Variants in PRRT2 observed in about 807,000 individuals in gnomAD.
PRRT2 encodes proline-rich transmembrane protein 2.
In PRRT2, 9 loss-of-function variants were observed where a neutral mutation model predicts 24.7. The ratio of observed to expected loss-of-function variants is 0.36; its 90% CI spans 0.22 to 0.64. PRRT2 has a LOEUF of 0.64. Among genes scored for constraint, PRRT2 ranks in the 30% least tolerant of loss-of-function variants. The pLI, the probability that PRRT2 is intolerant of heterozygous loss-of-function variation, is 0.65. For synonymous variants in PRRT2, 195 were observed against 175.5 expected (o/e 1.11, Z -0.88); for missense variants, 460 against 435.0 (o/e 1.06, Z -0.51).
At position 29,815,337 on chromosome 16, in the gene PRRT2, C is replaced by G. The variant is rs914259754; in HGVS notation, c.*699C>G. On this transcript the variant is annotated 3_prime_UTR_variant, in exon 4 of 4. Coordinates refer to ENST00000358758, the MANE Select transcript of PRRT2 (RefSeq NM_145239.3). The stretch of plus-strand genomic sequence containing the variant: ...GGGTCGGACACCCAAGGGTGCCTGG[C>G]AGGTCGCAGAGTTGGCAAGCCGGGC... 2 of 152,626 alleles carry G rather than the reference C, an allele frequency of 1.3e-5. No homozygotes were observed. The highest frequency in any genetic ancestry group is 4.8e-5 in the African/African-American group (2 of 41,410). The allele number at this position is 152,626 out of a possible 1,614,324, so 9.5% of individuals were successfully genotyped here. A position where few individuals can be genotyped will look rare whatever the true frequency, so the allele number is the denominator to read the frequency against.
Position 29,814,471 on chromosome 16 carries a change from T to TG in PRRT2, c.1012+11dup, listed in dbSNP as rs1900145031. ...CTGCGTCATCAACTTAGGCGGTGAG[T>TG]GGGGGCTTGGGACAGGCAGGGGAGG... On this transcript the variant is annotated splice_region_variant and intron_variant, in intron 3 of 3. Coordinates refer to ENST00000358758, the MANE Select transcript of PRRT2 (RefSeq NM_145239.3). The surrounding 1 kb of genome is among the most constrained non-coding windows in gnomAD (Gnocchi z 4.1). The TG allele has an allele frequency of 6.2e-7, 1 of 1,603,210 alleles. No individual in the cohort carries two copies. Among genetic ancestry groups the TG allele is most frequent in the African/African-American group, 1.3e-5 (1 of 74,544 alleles).
In PRRT2 at chr16:29,814,574, G is replaced by A. The variant is rs1360304728; in HGVS notation, c.1013-54G>A. On this transcript the variant is annotated intron_variant, in intron 3 of 3. Transcript: ENST00000358758. This position sits in a 1 kb window ranked among gnomAD's most constrained non-coding sequence, Gnocchi z 4.1. ...TGTCTGTCCTCCTTACCTCTCCTTTGTCTCTCCTTGTCTCCCCCTCCCCCC... is the reference window on the plus strand; with the variant it reads ...TGTCTGTCCTCCTTACCTCTCCTTTATCTCTCCTTGTCTCCCCCTCCCCCC... 4 of 1,608,958 alleles carry A rather than the reference G, an allele frequency of 2.5e-6. No individual in the cohort carries two copies. Among genetic ancestry groups the A allele is most frequent in the Middle Eastern group, 1.7e-4 (1 of 6,054 alleles).
rs541432771 is a variant in PRRT2 at position 29,814,130 on chromosome 16, G to A, written c.879+197G>A. 3.4e-6 allele frequency: 5 copies of A among 1,483,256 alleles called. No individual in the cohort carries two copies. Among genetic ancestry groups the A allele is most frequent in the Non-Finnish European group, 3.6e-6 (4 of 1,126,000 alleles). The allele number at this position is 1,483,256 out of a possible 1,614,324, so 91.9% of individuals were successfully genotyped here. The stretch of plus-strand genomic sequence containing the variant: ...AGCCACCACTGCCCTGCCCCTTTGG[G>A]TGGGAGGGATATGGAAACACGTGTC... On this transcript the variant is annotated intron_variant, in intron 2 of 3. Coordinates refer to ENST00000358758, the MANE Select transcript of PRRT2 (RefSeq NM_145239.3). The surrounding 1 kb of genome is among the most constrained non-coding windows in gnomAD (Gnocchi z 4.1).
rs867677487 is a variant in PRRT2 at position 29,814,589 on chromosome 16, C to T, written c.1013-39C>T. 1.9e-6 allele frequency: 3 copies of T among 1,607,786 alleles called. No homozygotes were observed. Among genetic ancestry groups the T allele is most frequent in the Non-Finnish European group, 1.7e-6 (2 of 1,174,696 alleles). On this transcript the variant is annotated intron_variant, in intron 3 of 3. Coordinates refer to ENST00000358758, the MANE Select transcript of PRRT2 (RefSeq NM_145239.3). This position sits in a 1 kb window ranked among gnomAD's most constrained non-coding sequence, Gnocchi z 4.1. Reference sequence around the variant, plus strand: ...CCTCTCCTTTGTCTCTCCTTGTCTCCCCCTCCCCCCGTCTGTCCTTCCCTC... The same window carrying T: ...CCTCTCCTTTGTCTCTCCTTGTCTCTCCCTCCCCCCGTCTGTCCTTCCCTC...
rs1900124763 is a variant in PRRT2, at chr16:29,814,080, C to T, written c.879+147C>T. ...TCCCCAATTCCAGGGCCTTTGTTTG[C>T]CTCTCCCTAGGACCTAACCCTCTGA... On this transcript the variant is annotated intron_variant, in intron 2 of 3. Coordinates refer to ENST00000358758, the MANE Select transcript of PRRT2 (RefSeq NM_145239.3). The surrounding 1 kb of genome is among the most constrained non-coding windows in gnomAD (Gnocchi z 4.1). 1 of 1,470,248 alleles carries T rather than the reference C, an allele frequency of 6.8e-7. No homozygotes were observed. The highest frequency in any genetic ancestry group is 1.4e-5 in the African/African-American group (1 of 70,502). 91.1% of individuals were successfully genotyped at this position (1,470,248 alleles called of 1,614,324 possible).
rs767799831 is a variant in PRRT2 at position 29,814,366 on chromosome 16, G to T, written c.913G>T (p.Gly305Trp). The change falls in exon 3 of 4, where the codon GGG becomes TGG. Residue 305 changes from glycine (G) to tryptophan (W), a missense_variant. Around this residue, in one of 3 missense-constraint regions of PRRT2, gnomAD observed 64 missense variants for 71.2 expected, o/e 0.90. Coordinates refer to ENST00000358758, the MANE Select transcript of PRRT2 (RefSeq NM_145239.3). The surrounding 1 kb of genome is among the most constrained non-coding windows in gnomAD (Gnocchi z 4.1). ...RNSLQQGDVD[G>W]AQRLGRVAKL... ...CAGCCTGCAGCAGGGGGACGTGGAC[G>T]GGGCCCAGCGTCTGGGCCGGGTAGC... 6.2e-7 allele frequency: 1 copy of T among 1,608,868 alleles called. No individual in the cohort carries two copies. The highest frequency in any genetic ancestry group is 8.5e-7 in the Non-Finnish European group (1 of 1,179,002).
rs1193753713 is a variant in PRRT2 at position 29,815,722 on chromosome 16, C to CT, written c.*1086dup. On this transcript the variant is annotated 3_prime_UTR_variant, in exon 4 of 4. Coordinates refer to ENST00000358758, the MANE Select transcript of PRRT2 (RefSeq NM_145239.3). The stretch of plus-strand genomic sequence containing the variant: ...TTCGGATTTGGCGGGGGTTTTTTTC[C>CT]TTAAAAAAAAAAAAAAAAAAAAAAA... The CT allele has an allele frequency of 2.1e-5, 1 of 47,258 alleles. No homozygotes were observed. The highest frequency in any genetic ancestry group is 8.5e-5 in the African/African-American group (1 of 11,828). 2.9% of individuals were successfully genotyped at this position (47,258 alleles called of 1,614,324 possible).
chr16:29,814,522 T>G lies in PRRT2; in HGVS notation c.1012+57T>G. Reference sequence around the variant, plus strand: ...AATGGAAGGGTTGGCAAGGGCAGCTTTACTAACCCCTGCCCCTGCTCTCTC... The same window carrying G: ...AATGGAAGGGTTGGCAAGGGCAGCTGTACTAACCCCTGCCCCTGCTCTCTC... On this transcript the variant is annotated intron_variant, in intron 3 of 3. Transcript: ENST00000358758. This position sits in a 1 kb window ranked among gnomAD's most constrained non-coding sequence, Gnocchi z 4.1. 5 of 1,607,376 alleles carry G rather than the reference T, an allele frequency of 3.1e-6. No individual in the cohort carries two copies. Among genetic ancestry groups the G allele is most frequent in the Non-Finnish European group, 4.2e-6 (5 of 1,176,652 alleles).
At position 29,814,319 on chromosome 16, in the gene PRRT2, C is replaced by T. The variant is rs148323840; in HGVS notation, c.880-14C>T. The stretch of plus-strand genomic sequence containing the variant: ...ACCCCGGCTATGTGCCTCCACCCCT[C>T]GCCCTAACCCCAGTCCCGGAACAGC... On this transcript the variant is annotated splice_polypyrimidine_tract_variant and intron_variant, in intron 2 of 3. Coordinates refer to ENST00000358758, the MANE Select transcript of PRRT2 (RefSeq NM_145239.3). The surrounding 1 kb of genome is among the most constrained non-coding windows in gnomAD (Gnocchi z 4.1). 867 of 1,582,202 alleles carry T rather than the reference C, an allele frequency of 5.5e-4. 5 individuals are homozygous for T. The African/African-American group carries it at 0.01, about 19-fold the overall frequency.
Position 29,815,736 on chromosome 16 carries a change from A to T in PRRT2, c.*1098A>T, listed in dbSNP as rs1211583381. ...GGGTTTTTTTCCTTAAAAAAAAAAA[A>T]AAAAAAAAAAAAAAAGTCTGGGGGA... On this transcript the variant is annotated 3_prime_UTR_variant, in exon 4 of 4. Transcript: ENST00000358758. 6.7e-6 allele frequency: 1 copy of T among 149,700 alleles called. No individual in the cohort carries two copies. The highest frequency in any genetic ancestry group is 1.5e-5 in the Non-Finnish European group (1 of 67,170). The allele number at this position is 149,700 out of a possible 1,614,324, so 9.3% of individuals were successfully genotyped here.
In PRRT2 at chr16:29,813,683, C is replaced by T. The variant is rs1020749977; in HGVS notation, c.629C>T (p.Pro210Leu). Residue 210 changes from proline to leucine, a missense_variant, in exon 2 of 4, where the codon CCA (proline) becomes CTA (leucine). Physicochemically the swap from Pro to Leu is moderately conservative, Grantham distance 98 (BLOSUM62 -3). Around this residue, in one of 3 missense-constraint regions of PRRT2, gnomAD observed 378 missense variants for 324.6 expected, o/e 1.16. Coordinates refer to ENST00000358758, the MANE Select transcript of PRRT2 (RefSeq NM_145239.3). Reference sequence around the variant, plus strand: ...TCACCACCCTCAAAAAAATCCCCCCCAGCCAATGGGGCCCCCCCCCGAGTG... The same window carrying T: ...TCACCACCCTCAAAAAAATCCCCCCTAGCCAATGGGGCCCCCCCCCGAGTG... Reference protein sequence around the residue: ...PHSPPSKKSPPANGAPPRVLQ... With the variant: ...PHSPPSKKSPLANGAPPRVLQ... The T allele has an allele frequency of 6.3e-7, 1 of 1,598,204 alleles. No individual in the cohort carries two copies. The highest frequency in any genetic ancestry group is 8.5e-7 in the Non-Finnish European group (1 of 1,171,072).
Position 29,814,079 on chromosome 16 carries a change from G to A in PRRT2, c.879+146G>A. 2 of 1,470,162 alleles carry A rather than the reference G, an allele frequency of 1.4e-6. No homozygotes were observed. The highest frequency in any genetic ancestry group is 8.9e-7 in the Non-Finnish European group (1 of 1,119,214). The allele number at this position is 1,470,162 out of a possible 1,614,324, so 91.1% of individuals were successfully genotyped here. ...CTCCCCAATTCCAGGGCCTTTGTTTGCCTCTCCCTAGGACCTAACCCTCTG... is the reference window on the plus strand; with the variant it reads ...CTCCCCAATTCCAGGGCCTTTGTTTACCTCTCCCTAGGACCTAACCCTCTG... On this transcript the variant is annotated intron_variant, in intron 2 of 3. Transcript: ENST00000358758. The surrounding 1 kb of genome is among the most constrained non-coding windows in gnomAD (Gnocchi z 4.1).
chr16:29,813,653 C>T lies in PRRT2; in HGVS notation c.599C>T (p.Pro200Leu), dbSNP rs764829321. The T allele has an allele frequency of 6.2e-7, 1 of 1,612,022 alleles. No homozygotes were observed. The highest frequency in any genetic ancestry group is 8.5e-7 in the Non-Finnish European group (1 of 1,179,042). Residue 200 changes from proline to leucine, a missense_variant, in exon 2 of 4, where the codon CCT becomes CTT. By Grantham distance (98) the Pro-to-Leu change is moderately conservative (BLOSUM62 -3). Transcript: ENST00000358758. ...GDGEEGPAPEPHSPPSKKSPP... is the reference protein window; with the variant it reads ...GDGEEGPAPELHSPPSKKSPP... ...GGGGAAGAGGGCCCAGCCCCTGAGCCTCACTCACCACCCTCAAAAAAATCC... is the reference window on the plus strand; with the variant it reads ...GGGGAAGAGGGCCCAGCCCCTGAGCTTCACTCACCACCCTCAAAAAAATCC...
In PRRT2 at chr16:29,813,826, G is replaced by T; in HGVS notation, c.772G>T (p.Gly258Trp). The T allele has an allele frequency of 1.2e-6, 2 of 1,613,574 alleles. No individual in the cohort carries two copies. The highest frequency in any genetic ancestry group is 1.7e-6 in the Non-Finnish European group (2 of 1,179,680). Residue 258 changes from glycine (G) to tryptophan (W), a missense_variant, in exon 2 of 4, where the codon GGG (glycine) becomes TGG (tryptophan). Transcript: ENST00000358758. The stretch of plus-strand genomic sequence containing the variant: ...CCAGTTGGCAGGTCCTGGGGTGGAG[G>T]GGGGTGAAGGCACCCAGAAACCTCG... ...SSQLAGPGVE[G>W]GEGTQKPRDY...
At position 29,813,413 on chromosome 16, in the gene PRRT2, C is replaced by T. The variant is rs1352512768; in HGVS notation, c.359C>T (p.Ala120Val). 25 of 1,614,058 alleles carry T rather than the reference C, an allele frequency of 1.5e-5. No individual in the cohort carries two copies. Among genetic ancestry groups the T allele is most frequent in the Non-Finnish European group, 2.0e-5 (24 of 1,180,034 alleles). ...SKPEVSKEATADQGSRLESAA... is the reference protein window; with the variant it reads ...SKPEVSKEATVDQGSRLESAA... ...CCAGAAGTGAGCAAAGAGGCCACTG[C>T]AGACCAGGGGTCCAGGCTGGAGTCT... The change falls in exon 2 of 4, where the codon GCA becomes GTA. Residue 120 changes from alanine to valine, a missense_variant. Coordinates refer to ENST00000358758, the MANE Select transcript of PRRT2 (RefSeq NM_145239.3).
intron 2 of PRRT2, 36 bp downstream of exon 2, chr16:29,813,969 G>A (rs778544258): frequency 2.9e-5 from 44 of 1,535,368 alleles, no homozygotes; most frequent in Middle Eastern, 1.8e-4. Context: ...GGCCTGCTGT[G>A]GCTCCCAGCT....
rs1456787900 is a variant in PRRT2, at chr16:29,813,190, G to A, written c.136G>A (p.Glu46Lys). 3 of 1,613,952 alleles carry A rather than the reference G, an allele frequency of 1.9e-6. No individual in the cohort carries two copies. The highest frequency in any genetic ancestry group is 2.5e-6 in the Non-Finnish European group (3 of 1,179,986). ...CCTAGCAGGGGTACCAGACCAGCCA[G>A]AGGCCCCGCAGCCAGGTCCAAACAC... Reference protein sequence around the residue: ...QVLAGVPDQPEAPQPGPNTTA... With the variant: ...QVLAGVPDQPKAPQPGPNTTA... Residue 46 changes from glutamate (E) to lysine (K), a missense_variant, in exon 2 of 4, where the codon GAG (glutamate) becomes AAG (lysine). Physicochemically the swap from Glu to Lys is moderately conservative, Grantham distance 56. Coordinates refer to ENST00000358758, the MANE Select transcript of PRRT2 (RefSeq NM_145239.3).
Position 29,813,328 on chromosome 16 carries a change from G to A in PRRT2, c.274G>A (p.Gly92Arg), listed in dbSNP as rs1900073708. The change falls in exon 2 of 4, where the codon GGA (glycine) becomes AGA (arginine). Residue 92 changes from glycine to arginine, a missense_variant. Gly to Arg is a moderately radical substitution (Grantham distance 125). Transcript: ENST00000358758. The stretch of plus-strand genomic sequence containing the variant: ...GGCCACAGACCTCAGCTTAAGCCCA[G>A]GAGGGGAATCAAAGGCCAACTGCAG... ...AQATDLSLSP[G>R]GESKANCSPE... 1 of 1,614,142 alleles carries A rather than the reference G, an allele frequency of 6.2e-7. No homozygotes were observed. The highest frequency in any genetic ancestry group is 1.7e-5 in the Admixed American group (1 of 60,024).
At position 29,813,544 on chromosome 16, in the gene PRRT2, G is replaced by T; in HGVS notation, c.490G>T (p.Glu164Ter). ...PALQPELPTQ[E>*]DPTPEILSES... ...CCTTCAACCAGAGCTCCCTACCCAG[G>T]AGGACCCCACCCCTGAGATTCTGTC... Residue 164 changes from glutamate (E) to a stop codon, truncating the protein, a stop_gained, in exon 2 of 4, where the codon GAG becomes TAG. Transcript: ENST00000358758. LOFTEE classifies it high-confidence loss of function. 1 of 1,613,836 alleles carries T rather than the reference G, an allele frequency of 6.2e-7. No homozygotes were observed. The highest frequency in any genetic ancestry group is 8.5e-7 in the Non-Finnish European group (1 of 1,179,846).
Sources: gnomAD v4.1 joint callset for allele counts on GRCh38, gnomAD v4.1.1 for gene constraint, gnomAD v4.1.1 regional missense constraint, Gnocchi (gnomAD v3.1) non-coding constraint, MANE v1.5 for transcripts, NCBI Gene and HGNC (gene_info 2026-07-23, HGNC 2026-07-21) for gene names.